The following SH3TC2 variants were observed in gnomAD, a reference collection of about 807,000 sequenced individuals.
SH3TC2 encodes SH3 domain and tetratricopeptide repeat-containing protein 2.
A neutral mutation model predicts 124.5 loss-of-function variants in SH3TC2; 87 were observed. The ratio of observed to expected loss-of-function variants is 0.70; its 90% CI spans 0.59 to 0.84. The LOEUF (loss-of-function observed/expected upper bound fraction) is 0.84, where lower values mean the gene tolerates loss of function less well. Among genes scored for constraint, SH3TC2 ranks in the 40% least tolerant of loss-of-function variants. SH3TC2 has a pLI of 0.00. For synonymous variants in SH3TC2, 634 were observed against 628.5 expected (o/e 1.01, Z -0.13); for missense variants, 1,536 against 1,566.4 (o/e 0.98, Z 0.33).
At position 148,994,470 on chromosome 5, in the gene SH3TC2, C is replaced by T. The variant is rs1325483049; in HGVS notation, c.*10241G>A. The stretch of plus-strand genomic sequence containing the variant: ...GAGGACTCTGACTTGCCCTGGAGCC[C>T]ATAGGACTTATGAAGACAGGGACTG... On this transcript the variant is annotated 3_prime_UTR_variant, in exon 17 of 17. Coordinates refer to ENST00000515425, the MANE Select transcript of SH3TC2 (RefSeq NM_024577.4). Among the ~76,000 whole-genome samples the T allele has an allele frequency of 6.6e-6, 1 of 152,098 alleles. No homozygotes were observed. The highest frequency in any genetic ancestry group is 1.5e-5 in the Non-Finnish European group (1 of 68,020).
At chr5:149,007,166 T>C in intron 15 of SH3TC2, 89 bp from the exon 16 acceptor site, 1 of 1,258,622 alleles carries the variant, frequency 7.9e-7, no homozygotes. Flanking sequence ...TTTTTGAAGG[T>C]CTACTAGATG....
chr5:149,060,020 C>T (rs946333621), intron 1 of SH3TC2, among the ~76,000 whole-genome samples: 6 of 152,142 alleles, frequency 3.9e-5, no homozygotes, highest in Non-Finnish European at 8.8e-5. Context: ...AGTGAAGCAT[C>T]ATTTACTATT....
chr5:149,034,851 T>A (rs948946982), intron 8 of SH3TC2, among the ~76,000 whole-genome samples: 2 of 152,168 alleles, frequency 1.3e-5, no homozygotes, highest in African/African-American at 2.4e-5. Flanking sequence ...CCTGGCAACA[T>A]GGATTTGCAA....
At chr5:149,061,789 G>A (rs1369467547) in intron 1 of SH3TC2, among the ~76,000 whole-genome samples, 1 of 152,054 alleles carries the variant, frequency 6.6e-6, no homozygotes, top group African/African-American at 2.4e-5. Flanking sequence ...TACTCTCATG[G>A]GGCACAATGA....
intron 12 of SH3TC2, among the ~76,000 whole-genome samples, chr5:149,012,976 G>A (rs191089781): frequency 1.2e-4 from 18 of 152,170 alleles, no homozygotes; most frequent in Admixed American, 5.9e-4. Context: ...CCACCTGAGC[G>A]GATTGTTGTG....
At chr5:149,025,864 A>G (rs1754053800) in intron 12 of SH3TC2, 1 of 152,332 alleles carries the variant, frequency 6.6e-6, no homozygotes, top group African/African-American at 2.4e-5. Flanking sequence ...AGAATGCTCC[A>G]TTGTGCTGTT....
rs1301964817 is a variant in SH3TC2, at chr5:148,991,038, T to A, written c.*13673A>T. On this transcript the variant is annotated 3_prime_UTR_variant, in exon 17 of 17. Transcript: ENST00000515425. ...TTCCCAAAACCCAGAATTAGATCAC[T>A]TGTTGAACATCTGTTGACACTTTCC... Among the ~76,000 whole-genome samples the A allele has an allele frequency of 6.6e-6, 1 of 152,140 alleles. No individual in the cohort carries two copies. Among genetic ancestry groups the A allele is most frequent in the Non-Finnish European group, 1.5e-5 (1 of 68,032 alleles).
At chr5:149,033,233 C>A (rs947507308) in intron 8 of SH3TC2, among the ~76,000 whole-genome samples, 2 of 148,842 alleles carry the variant, frequency 1.3e-5, no homozygotes, top group African/African-American at 5.2e-5. Flanking sequence ...GGACAACTTA[C>A]GAGAATTTAG....
At chr5:149,059,892 T>C (rs756750066) in intron 1 of SH3TC2, among the ~76,000 whole-genome samples, 4 of 152,204 alleles carry the variant, frequency 2.6e-5, no homozygotes, top group Non-Finnish European at 5.9e-5. Flanking sequence ...AAAGGTAAAG[T>C]TCTGAAGATA....
chr5:148,985,758 G>A lies in SH3TC2; in HGVS notation c.*18953C>T, dbSNP rs1402394859. On this transcript the variant is annotated 3_prime_UTR_variant, in exon 17 of 17. Coordinates refer to ENST00000515425, the MANE Select transcript of SH3TC2 (RefSeq NM_024577.4). ...ATTCTGGATCACTTTGTAAGTGTAT[G>A]TTTAATTTATAAGAAACTATCAAAG... Among the ~76,000 whole-genome samples, 2 of 152,156 alleles carry A rather than the reference G, an allele frequency of 1.3e-5. No individual in the cohort carries two copies. The highest frequency in any genetic ancestry group is 2.9e-5 in the Non-Finnish European group (2 of 68,014).
At chr5:149,025,396 C>G (rs1309010575) in intron 12 of SH3TC2, among the ~76,000 whole-genome samples, 24 of 152,132 alleles carry the variant, frequency 1.6e-4, no homozygotes, top group Admixed American at 1.6e-3. Context: ...CACACAGTTA[C>G]CATGTTGCTT....
intron 2 of SH3TC2, among the ~76,000 whole-genome samples, chr5:149,048,419 T>C (rs1462804359): frequency 6.6e-6 from 1 of 152,130 alleles, no homozygotes; most frequent in Non-Finnish European, 1.5e-5. Context: ...GTAATAGACA[T>C]ATACTTTGTG....
intron 1 of SH3TC2, among the ~76,000 whole-genome samples, chr5:149,059,671 T>C (rs1302094259): frequency 6.6e-6 from 1 of 151,490 alleles, no homozygotes; most frequent in Non-Finnish European, 1.5e-5. Flanking sequence ...AGTTGCATCA[T>C]GATATCATTT....
chr5:149,028,039 G>A lies in SH3TC2; in HGVS notation c.1693C>T (p.Leu565=). The change falls in exon 11 of 17, where the codon CTA becomes TTA. Residue 565 remains leucine (L), a synonymous_variant. Coordinates refer to ENST00000515425, the MANE Select transcript of SH3TC2 (RefSeq NM_024577.4). ...IHILNGAFED[L]SLVATLYINL... is the part of the protein sequence containing the mutation. The stretch of plus-strand genomic sequence containing the variant: ...ATGTACAGAGTGGCCACCAAGGATA[G>A]GTCCTCAAATGCTCCATTGAGAATG... 6.2e-7 allele frequency: 1 copy of A among 1,614,124 alleles called. No homozygotes were observed. The highest frequency in any genetic ancestry group is 1.1e-5 in the South Asian group (1 of 91,084).
chr5:149,016,906 C>G (rs1423494523), intron 12 of SH3TC2, among the ~76,000 whole-genome samples: 5 of 130,280 alleles, frequency 3.8e-5, no homozygotes, highest in Middle Eastern at 5.1e-3. Flanking sequence ...GCCTGGGTAA[C>G]AGGGCGAGAC....
At chr5:149,057,285 G>A (rs1319734172) in intron 1 of SH3TC2, among the ~76,000 whole-genome samples, 1 of 151,968 alleles carries the variant, frequency 6.6e-6, no homozygotes, top group East Asian at 1.9e-4. Flanking sequence ...ACATTTAGTT[G>A]TCAAATGTCT....
intron 1 of SH3TC2, among the ~76,000 whole-genome samples, chr5:149,058,405 T>C (rs916682687): frequency 6.6e-6 from 1 of 152,220 alleles, no homozygotes; most frequent in Non-Finnish European, 1.5e-5. Flanking sequence ...TAGGCCATTT[T>C]ATCTGATTGT....
intron 3 of SH3TC2, chr5:149,046,653 G>C (rs1376634610): frequency 6.6e-6 from 1 of 152,150 alleles, no homozygotes; most frequent in Non-Finnish European, 1.5e-5. Flanking sequence ...TTCAGATCTA[G>C]CTGACTCCAG....
At position 148,995,061 on chromosome 5, in the gene SH3TC2, G is replaced by A. The variant is rs143523433; in HGVS notation, c.*9650C>T. On this transcript the variant is annotated 3_prime_UTR_variant, in exon 17 of 17. Transcript: ENST00000515425. ...ATTCATCACTGAAGGGATTTCCTGT[G>A]GTATTTGGTGCAATAAGGCTTATAT... 2.0e-5 allele frequency among the ~76,000 whole-genome samples: 3 copies of A among 152,184 alleles called. No homozygotes were observed. In the East Asian group the frequency reaches 5.8e-4, roughly 29 times the overall value.
Sources: allele counts gnomAD v4.1 joint callset (sites outside exome capture counted in the v4.1 genomes callset), GRCh38; gene constraint gnomAD v4.1.1; transcripts MANE v1.5; gene names NCBI Gene and HGNC (gene_info 2026-07-23, HGNC 2026-07-21).